The following XKRX variants were observed in gnomAD, a reference collection of about 807,000 sequenced individuals.
The protein encoded by XKRX is XK-related protein 2.
In XKRX, 11 loss-of-function variants were observed where a neutral mutation model predicts 22.4. That is an observed-to-expected ratio of 0.49 (90% CI 0.31 to 0.81). XKRX has a LOEUF of 0.81. Ranked by LOEUF, XKRX falls within the 40% of genes least tolerant of loss-of-function variation. The probability of loss-of-function intolerance (pLI) is 0.05; values close to 1 mark genes in which losing one functional copy is unlikely to be tolerated. For missense variants in XKRX, 320 were observed against 336.5 expected (o/e 0.95, Z 0.38); for synonymous variants, 114 against 132.2 (o/e 0.86, Z 0.94).
At chrX:100,896,848 A>T in the XKRX span, among the ~76,000 whole-genome samples, 2 of 111,379 alleles carry the variant, frequency 1.8e-5, no homozygotes, top group African/African-American at 6.5e-5. Flanking sequence ...ATTAGAAAAA[A>T]TTTTTAATAA....
the XKRX span, among the ~76,000 whole-genome samples, chrX:100,903,071 A>G: frequency 4.5e-5 from 5 of 110,271 alleles, no homozygotes; most frequent in African/African-American, 1.6e-4. Context: ...TTAAAAAAAA[A>G]AACAAAAAAC....
the XKRX span, chrX:100,957,244 T>C: frequency 6.2e-6 from 6 of 974,904 alleles, no homozygotes; most frequent in Non-Finnish European, 8.8e-6. Flanking sequence ...TTCCTGATCA[T>C]TGGTAGATTT....
chrX:100,914,088 G>C lies in XKRX; in HGVS notation c.*250C>G, dbSNP rs1169092385. 2.7e-6 allele frequency: 1 copy of C among 376,595 alleles called. No individual in the cohort carries two copies. Among genetic ancestry groups the C allele is most frequent in the Non-Finnish European group, 4.6e-6 (1 of 216,786 alleles). The allele number at this position is 376,595 out of a possible 1,213,427, so 31.0% of individuals were successfully genotyped here. On this transcript the variant is annotated 3_prime_UTR_variant, in exon 3 of 3. Transcript: ENST00000372956. The stretch of plus-strand genomic sequence containing the variant: ...AAGACAAGTTATTCCAATTGACTTG[G>C]GTAAGAAGGGTGTGAATGGTATTTC...
chrX:100,937,190 C>T, the XKRX span, among the ~76,000 whole-genome samples: 9 of 110,633 alleles, frequency 8.1e-5, no homozygotes, highest in African/African-American at 3.0e-4. Flanking sequence ...GAGGTTTCAC[C>T]ATGTTGGCCA....
the XKRX span, among the ~76,000 whole-genome samples, chrX:100,897,635 GTGTGTT>G: frequency 1.5e-5 from 1 of 67,673 alleles, no homozygotes; most frequent in Non-Finnish European, 2.7e-5. Context: ...GTGTGTGTGT[GTGTGTT>G]TCCTAGTTCT....
the XKRX span, among the ~76,000 whole-genome samples, chrX:100,903,217 T>C: frequency 1.8e-5 from 2 of 111,144 alleles, no homozygotes; most frequent in African/African-American, 6.5e-5. Context: ...TTCCAACATA[T>C]TGGAAGTCCT....
At chrX:100,923,538 A>G (rs1022540900) in intron 1 of XKRX, among the ~76,000 whole-genome samples, 1 of 112,142 alleles carries the variant, frequency 8.9e-6, no homozygotes, top group Non-Finnish European at 1.9e-5. Flanking sequence ...GCCTTCTACA[A>G]GTTACATGAA....
the XKRX span, among the ~76,000 whole-genome samples, chrX:100,900,963 T>C: frequency 3.5e-4 from 38 of 109,908 alleles, no homozygotes; most frequent in African/African-American, 1.3e-3. Context: ...CTAATTTTTT[T>C]GTATTTTTAG....
intron 1 of XKRX, among the ~76,000 whole-genome samples, chrX:100,924,238 T>C (rs1007362203): frequency 9.1e-6 from 1 of 110,451 alleles, no homozygotes; most frequent in Admixed American, 9.7e-5. Context: ...ATATCTCATA[T>C]ACACAGGAAG....
At chrX:100,922,368 T>C (rs1453122866) in intron 2 of XKRX, among the ~76,000 whole-genome samples, 1 of 112,334 alleles carries the variant, frequency 8.9e-6, no homozygotes, top group Non-Finnish European at 1.9e-5. Flanking sequence ...AACAACAGCA[T>C]AATTTAAACA....
chrX:100,940,498 T>C, the XKRX span, among the ~76,000 whole-genome samples: 2 of 111,790 alleles, frequency 1.8e-5, no homozygotes, highest in South Asian at 7.5e-4. Flanking sequence ...ACTTTAACAG[T>C]CACCTAACTG....
At chrX:100,946,302 C>T in the XKRX span, among the ~76,000 whole-genome samples, 1 of 111,644 alleles carries the variant, frequency 9.0e-6, no homozygotes, top group African/African-American at 3.2e-5. Flanking sequence ...ACGCTAAAGA[C>T]TGCAGTTCAG....
the XKRX span, among the ~76,000 whole-genome samples, chrX:100,898,585 AAAC>A: frequency 3.3e-5 from 3 of 92,298 alleles, no homozygotes; most frequent in Admixed American, 1.2e-4. Context: ...GCTCCCACCT[AAAC>A]AACAACAACA....
At chrX:100,907,625 T>C in the XKRX span, among the ~76,000 whole-genome samples, 1 of 111,996 alleles carries the variant, frequency 8.9e-6, no homozygotes, top group African/African-American at 3.2e-5. Context: ...AAATTTAAGT[T>C]ACCAGTTTTT....
At chrX:100,958,909 A>G in the XKRX span, among the ~76,000 whole-genome samples, 2 of 112,041 alleles carry the variant, frequency 1.8e-5, no homozygotes, top group African/African-American at 6.5e-5. Context: ...AAATCATATC[A>G]TCTGAAATAT....
chrX:100,921,526 T>C (rs1832297304), intron 2 of XKRX, among the ~76,000 whole-genome samples: 1 of 111,517 alleles, frequency 9.0e-6, no homozygotes, highest in Admixed American at 9.6e-5. Flanking sequence ...CATGGGACTT[T>C]GCCAAACAGG....
At chrX:100,897,164 A>G in the XKRX span, among the ~76,000 whole-genome samples, 1 of 111,949 alleles carries the variant, frequency 8.9e-6, no homozygotes. Context: ...ATATACTTAG[A>G]AACAAAGATT....
the XKRX span, among the ~76,000 whole-genome samples, chrX:100,950,735 A>G: frequency 8.9e-6 from 1 of 112,709 alleles, no homozygotes; most frequent in Non-Finnish European, 1.9e-5. Flanking sequence ...ATTAATAACT[A>G]AAAGACAATG....
At chrX:100,934,796 G>A in the XKRX span, among the ~76,000 whole-genome samples, 2 of 112,258 alleles carry the variant, frequency 1.8e-5, no homozygotes, top group Non-Finnish European at 3.8e-5. Context: ...CTCTTCTAAA[G>A]TGGCTGCACC....
Sources: gnomAD v4.1 joint callset for allele counts (sites outside exome capture counted in the v4.1 genomes callset) on GRCh38, gnomAD v4.1.1 for gene constraint, MANE v1.5 for transcripts, NCBI Gene and HGNC (gene_info 2026-07-23, HGNC 2026-07-21) for gene names.